The following HS1BP3 variants were observed in gnomAD, a reference collection of about 807,000 sequenced individuals.
The protein encoded by HS1BP3 is HCLS1 binding protein 3.
A neutral mutation model predicts 33.5 loss-of-function variants in HS1BP3; 32 were observed. The ratio of observed to expected loss-of-function variants is 0.95; its 90% CI spans 0.72 to 1.28. HS1BP3 has a LOEUF of 1.28. Ranked by LOEUF, HS1BP3 falls within the 50% of genes most tolerant of loss-of-function variation. The probability of loss-of-function intolerance (pLI) is 0.00; values close to 1 mark genes in which losing one functional copy is unlikely to be tolerated. For missense variants in HS1BP3, 486 were observed against 502.3 expected, an observed-to-expected ratio of 0.97 and a Z score of 0.31; for synonymous variants, 187 against 209.2, an observed-to-expected ratio of 0.89 and a Z score of 0.92.
chr2:20,560,543 G>A (rs972996627), intron 5 of HS1BP3: 1 of 152,266 alleles, frequency 6.6e-6, no homozygotes, highest in Non-Finnish European at 1.5e-5. Context: ...ACAGATGTGT[G>A]TTTTGGTGTT....
chr2:20,567,511 G>A (rs1196438907), intron 5 of HS1BP3, among the ~76,000 whole-genome samples: 1 of 135,292 alleles, frequency 7.4e-6, no homozygotes, highest in Non-Finnish European at 1.6e-5. Flanking sequence ...GAGGCCTGAG[G>A]AAGGCATGTG....
At chr2:20,610,155 C>G (rs554820773) in intron 2 of HS1BP3, among the ~76,000 whole-genome samples, 1 of 152,174 alleles carries the variant, frequency 6.6e-6, no homozygotes, top group African/African-American at 2.4e-5. Context: ...CCTCGCCCAC[C>G]AGCAACAGCC....
At chr2:20,580,239 C>G (rs1693499452) in intron 5 of HS1BP3, among the ~76,000 whole-genome samples, 1 of 152,252 alleles carries the variant, frequency 6.6e-6, no homozygotes, top group East Asian at 1.9e-4. Context: ...AAGGGGGAAG[C>G]TGAGTGTGGT....
chr2:20,627,589 C>T (rs1008848990), intron 4 of HS1BP3, among the ~76,000 whole-genome samples: 3 of 152,192 alleles, frequency 2.0e-5, no homozygotes, highest in Non-Finnish European at 4.4e-5. Flanking sequence ...CCTTGTTTTT[C>T]TCCCTAGAGA....
intron 5 of HS1BP3, among the ~76,000 whole-genome samples, chr2:20,570,119 C>T (rs912376888): frequency 3.3e-5 from 5 of 152,160 alleles, no homozygotes; most frequent in African/African-American, 1.2e-4. Flanking sequence ...GGGCTTTTGA[C>T]ACCCCAGAGA....
chr2:20,624,052 G>A (rs765065666), intron 5 of HS1BP3, 21 bp from the exon 6 acceptor site: 3 of 1,609,574 alleles, frequency 1.9e-6, no homozygotes, highest in Non-Finnish European at 2.5e-6. Flanking sequence ...GCAGCAGCAG[G>A]GGGGTCAGAG....
At chr2:20,600,582 T>G (rs1272863391) in intron 2 of HS1BP3, among the ~76,000 whole-genome samples, 1 of 152,174 alleles carries the variant, frequency 6.6e-6, no homozygotes, top group Non-Finnish European at 1.5e-5. Context: ...AACCATAAAA[T>G]AGCACGGATT....
chr2:20,622,236 T>G lies in HS1BP3; in HGVS notation c.920+1660A>C, dbSNP rs1279691086. The G allele has an allele frequency of 1.0e-5, 13 of 1,300,248 alleles. No individual in the cohort carries two copies. In the Admixed American group the frequency reaches 2.5e-4, roughly 25 times the overall value. The allele number at this position is 1,300,248 out of a possible 1,614,324, so 80.5% of individuals were successfully genotyped here. A position where few individuals can be genotyped will look rare whatever the true frequency, so the allele number is the denominator to read the frequency against. On this transcript the variant is annotated intron_variant, in intron 6 of 6. Transcript: ENST00000304031. ...TGAGGAAGTCCAACTACTCCCTGGA[T>G]AGTCACAGGGCAGACACAAAGAATG...
At position 20,649,642 on chromosome 2, in the gene HS1BP3, G is replaced by A. The variant is rs116455897; in HGVS notation, c.32+1390C>T. Among the ~76,000 whole-genome samples the A allele has an allele frequency of 6.4e-3, 977 of 152,346 alleles. 13 individuals carry two copies. The highest frequency in any genetic ancestry group is 0.023 in the African/African-American group (947 of 41,580). On this transcript the variant is annotated intron_variant, in intron 1 of 6. Coordinates refer to ENST00000304031, the MANE Select transcript of HS1BP3 (RefSeq NM_022460.4). ...GCTGAATTCAAGCTTGAGTGCATGT[G>A]GCAATGACATGTGGGAGGAGATCGG...
In HS1BP3 at chr2:20,618,897, G is replaced by C. The variant is rs1694504110; in HGVS notation, c.*90C>G. The C allele has an allele frequency of 4.7e-6, 7 of 1,483,466 alleles. No homozygotes were observed. The highest frequency in any genetic ancestry group is 6.3e-6 in the Non-Finnish European group (7 of 1,119,208). The allele number at this position is 1,483,466 out of a possible 1,614,324, so 91.9% of individuals were successfully genotyped here. A position where few individuals can be genotyped will look rare whatever the true frequency, so the allele number is the denominator to read the frequency against. Reference sequence around the variant, plus strand: ...CTGCCTGGCCTCCCCTGGGGGTGGGGAGGTTCTGACCCTGCAGGGCCCAGT... The same window carrying C: ...CTGCCTGGCCTCCCCTGGGGGTGGGCAGGTTCTGACCCTGCAGGGCCCAGT... On this transcript the variant is annotated 3_prime_UTR_variant, in exon 7 of 7. Transcript: ENST00000304031.
intron 6 of HS1BP3, among the ~76,000 whole-genome samples, chr2:20,621,903 G>A (rs544272192): frequency 8.5e-5 from 13 of 152,306 alleles, no homozygotes; most frequent in African/African-American, 2.9e-4. Context: ...TCTCACTAGC[G>A]CAAGGTCCAG....
intron 3 of HS1BP3, among the ~76,000 whole-genome samples, chr2:20,596,463 C>T (rs533585888): frequency 1.3e-3 from 203 of 152,316 alleles, no homozygotes; most frequent in Admixed American, 3.6e-3. Context: ...CAGGGAGCTG[C>T]CTTGCCACTT....
intron 4 of HS1BP3, among the ~76,000 whole-genome samples, chr2:20,626,994 G>T (rs1694806215): frequency 6.6e-6 from 1 of 152,198 alleles, no homozygotes; most frequent in Non-Finnish European, 1.5e-5. Context: ...CCCCAGCCAA[G>T]ACCCACTGAG....
At chr2:20,605,196 C>A (rs975733505) in intron 2 of HS1BP3, among the ~76,000 whole-genome samples, 1 of 152,196 alleles carries the variant, frequency 6.6e-6, no homozygotes, top group African/African-American at 2.4e-5. Flanking sequence ...ACGAGCTTCC[C>A]AAACCTGGGA....
downstream of HS1BP3, among the ~76,000 whole-genome samples, chr2:20,559,782 G>A (rs1367181243): frequency 6.6e-6 from 1 of 152,136 alleles, no homozygotes; most frequent in Non-Finnish European, 1.5e-5. Flanking sequence ...ATTGTCTCCA[G>A]CCCCTCTGCA....
chr2:20,579,709 C>T (rs937034254), intron 5 of HS1BP3, among the ~76,000 whole-genome samples: 68 of 152,324 alleles, frequency 4.5e-4, no homozygotes, highest in African/African-American at 1.4e-3. Flanking sequence ...ACAAGTCCCA[C>T]GGGAATACCC....
At chr2:20,593,333 A>G (rs931318174) in intron 3 of HS1BP3, among the ~76,000 whole-genome samples, 5 of 151,882 alleles carry the variant, frequency 3.3e-5, no homozygotes, top group Non-Finnish European at 7.4e-5. Context: ...CTCCTCATTT[A>G]TGTTGTTCAT....
In HS1BP3 at chr2:20,619,051, A is replaced by G. The variant is rs974155817; in HGVS notation, c.1115T>C (p.Met372Thr). ...GTCCTGGATGTACTGCAAGATGTCC[A>G]TCTCGTCCATGGCTTGGATCTGCTC... ...PQEQIQAMDE[M>T]DILQYIQDHD... is the part of the protein sequence containing the mutation. The change falls in exon 7 of 7, where the codon ATG becomes ACG. Residue 372 changes from methionine (M) to threonine (T), a missense_variant. By Grantham distance (81) the Met-to-Thr change is moderately conservative. Coordinates refer to ENST00000304031, the MANE Select transcript of HS1BP3 (RefSeq NM_022460.4). 4.3e-6 allele frequency: 7 copies of G among 1,613,980 alleles called. No homozygotes were observed. In the African/African-American group the frequency reaches 6.7e-5, roughly 15 times the overall value.
At chr2:20,568,118 C>T (rs889103485) in intron 5 of HS1BP3, among the ~76,000 whole-genome samples, 2 of 152,110 alleles carry the variant, frequency 1.3e-5, no homozygotes, top group African/African-American at 4.8e-5. Context: ...GAAATGAATC[C>T]CTATACTCAG....
Sources: allele counts gnomAD v4.1 joint callset (sites outside exome capture counted in the v4.1 genomes callset), GRCh38; gene constraint gnomAD v4.1.1; transcripts MANE v1.5; gene names NCBI Gene and HGNC (gene_info 2026-07-23, HGNC 2026-07-21).